Variants in SYT9 observed in about 807,000 individuals in gnomAD.
SYT9 encodes the protein synaptotagmin-9.
A neutral mutation model predicts 48.4 loss-of-function variants in SYT9; 22 were observed. That is an observed-to-expected ratio of 0.45 (90% confidence interval 0.32 to 0.65). The LOEUF is 0.65. Among genes scored for constraint, SYT9 ranks in the 30% least tolerant of loss-of-function variants. SYT9 has a pLI of 0.03. For missense variants in SYT9, 577 were observed against 622.0 expected (o/e 0.93, Z 0.77); for synonymous variants, 265 against 245.0 (o/e 1.08, Z -0.76).
intron 6 of SYT9, among the ~76,000 whole-genome samples, chr11:7,431,102 T>C (rs1847561751): frequency 6.6e-6 from 1 of 152,250 alleles, no homozygotes. Flanking sequence ...ACTGGTTAAA[T>C]GGTTGTGACC....
At chr11:7,247,641 G>A (rs899846909), upstream of SYT9, among the ~76,000 whole-genome samples, 2 of 131,452 alleles carry the variant, frequency 1.5e-5, no homozygotes, top group Admixed American at 8.4e-5. Flanking sequence ...GTATATATAC[G>A]TGATATATAT....
intron 3 of SYT9, among the ~76,000 whole-genome samples, chr11:7,386,420 G>A (rs1194116713): frequency 1.4e-5 from 2 of 147,040 alleles, no homozygotes; most frequent in South Asian, 2.2e-4. Context: ...CTAATATCCA[G>A]AATCTACAAT....
chr11:7,416,677 G>A (rs1007267805), intron 4 of SYT9, among the ~76,000 whole-genome samples: 3 of 152,186 alleles, frequency 2.0e-5, no homozygotes, highest in African/African-American at 7.2e-5. Context: ...GGGAGAATGT[G>A]CGTAGGTTAT....
At chr11:7,255,872 T>C (rs988275368) in intron 1 of SYT9, among the ~76,000 whole-genome samples, 2 of 152,350 alleles carry the variant, frequency 1.3e-5, no homozygotes, top group African/African-American at 2.4e-5. Context: ...TCCTCTTTAA[T>C]GTCAATTGCT....
intron 6 of SYT9, among the ~76,000 whole-genome samples, chr11:7,431,291 A>G (rs906089134): frequency 6.6e-6 from 1 of 152,248 alleles, no homozygotes; most frequent in African/African-American, 2.4e-5. Context: ...GTGATGATCT[A>G]GAGTATCTGG....
At chr11:7,279,920 A>C (rs1329345583) in intron 1 of SYT9, among the ~76,000 whole-genome samples, 1 of 152,184 alleles carries the variant, frequency 6.6e-6, no homozygotes, top group Non-Finnish European at 1.5e-5. Context: ...TGATGAGGCA[A>C]ATCTTTTGAG....
At chr11:7,349,675 A>C (rs1490995633) in intron 3 of SYT9, among the ~76,000 whole-genome samples, 6 of 152,218 alleles carry the variant, frequency 3.9e-5, no homozygotes. Context: ...GCCAGACCCC[A>C]GTTCTAGTGT....
At chr11:7,446,495 G>A (rs1447912470) in intron 6 of SYT9, among the ~76,000 whole-genome samples, 1 of 152,156 alleles carries the variant, frequency 6.6e-6, no homozygotes, top group East Asian at 1.9e-4. Context: ...TCTTGGGCTG[G>A]TCCTCCTGTC....
intron 6 of SYT9, among the ~76,000 whole-genome samples, chr11:7,433,007 T>G (rs993580974): frequency 1.3e-5 from 2 of 152,132 alleles, no homozygotes; most frequent in African/African-American, 4.8e-5. Context: ...TTGTGAACCC[T>G]AATGTTGGAG....
chr11:7,448,695 A>G (rs958619584), intron 6 of SYT9, among the ~76,000 whole-genome samples: 2 of 152,260 alleles, frequency 1.3e-5, no homozygotes, highest in Non-Finnish European at 2.9e-5. Flanking sequence ...CCTGCTCTAC[A>G]GAGCAAAAAG....
upstream of SYT9, among the ~76,000 whole-genome samples, chr11:7,248,781 C>A (rs1847824508): frequency 6.6e-6 from 1 of 152,138 alleles, no homozygotes; most frequent in Non-Finnish European, 1.5e-5. Flanking sequence ...AAATTCAACA[C>A]AATTCCCATC....
chr11:7,366,294 T>C (rs1589975545), intron 3 of SYT9, among the ~76,000 whole-genome samples: 2 of 152,338 alleles, frequency 1.3e-5, no homozygotes, highest in South Asian at 4.1e-4. Flanking sequence ...TTTCTACCTA[T>C]GCAGTCTTAA....
At chr11:7,454,322 AC>A (rs1166590340) in intron 6 of SYT9, 5 of 984,866 alleles carry the variant, frequency 5.1e-6, no homozygotes, top group Non-Finnish European at 6.0e-6. Context: ...GATGATGCTT[AC>A]CATTTCCGCT....
chr11:7,386,130 G>GT (rs1274128088), intron 3 of SYT9, among the ~76,000 whole-genome samples: 1 of 151,896 alleles, frequency 6.6e-6, no homozygotes, highest in Non-Finnish European at 1.5e-5. Context: ...CAGGTGTGAG[G>GT]TTTTTTCTAT....
chr11:7,349,236 T>G (rs1336027124), intron 3 of SYT9, among the ~76,000 whole-genome samples: 1 of 152,056 alleles, frequency 6.6e-6, no homozygotes, highest in Non-Finnish European at 1.5e-5. Context: ...AGTGTCTAGT[T>G]GGGGTGATGC....
chr11:7,431,158 C>A (rs1847562713), intron 6 of SYT9, among the ~76,000 whole-genome samples: 1 of 152,118 alleles, frequency 6.6e-6, no homozygotes, highest in South Asian at 2.1e-4. Flanking sequence ...ACTGATGAGA[C>A]CTCAGATGGA....
intron 3 of SYT9, among the ~76,000 whole-genome samples, chr11:7,388,108 C>G (rs541519025): frequency 2.0e-4 from 31 of 152,232 alleles, no homozygotes; most frequent in African/African-American, 7.5e-4. Flanking sequence ...TAATAGAATT[C>G]ACCAGTGAAC....
chr11:7,324,308 C>G (rs887400160), intron 3 of SYT9, among the ~76,000 whole-genome samples: 1 of 151,840 alleles, frequency 6.6e-6, no homozygotes, highest in African/African-American at 2.4e-5. Context: ...TTCACTTTCT[C>G]ATTGATCAGT....
chr11:7,302,477 G>C (rs923513605), intron 1 of SYT9, among the ~76,000 whole-genome samples: 1 of 152,176 alleles, frequency 6.6e-6, no homozygotes, highest in African/African-American at 2.4e-5. Context: ...CTGAGTGGGG[G>C]TTGTTCTTGA....
Sources: allele counts gnomAD v4.1 joint callset (sites outside exome capture counted in the v4.1 genomes callset), GRCh38; gene constraint gnomAD v4.1.1; transcripts MANE v1.5; gene names NCBI Gene and HGNC (gene_info 2026-07-23, HGNC 2026-07-21).